Variants in CACNB4 observed in about 807,000 individuals in gnomAD.
CACNB4 encodes the protein calcium voltage-gated channel auxiliary subunit beta 4.
Under a neutral mutation model 71.2 loss-of-function variants are expected in CACNB4, and 32 were observed. The ratio of observed to expected loss-of-function variants is 0.45; its 90% CI spans 0.34 to 0.60. The LOEUF (loss-of-function observed/expected upper bound fraction) is 0.60. CACNB4 is among the 20% of genes least tolerant of loss of function. The pLI is 0.01. For synonymous variants in CACNB4, 231 were observed against 236.9 expected (o/e 0.97, Z 0.23); for missense variants, 464 against 647.9 (o/e 0.72, Z 3.08).
intron 2 of CACNB4, among the ~76,000 whole-genome samples, chr2:152,086,294 C>T (rs930881632): frequency 1.3e-5 from 2 of 152,194 alleles, no homozygotes; most frequent in South Asian, 4.1e-4. Context: ...CCTTCCCTAT[C>T]AGAGTCCTCA....
intron 2 of CACNB4, among the ~76,000 whole-genome samples, chr2:152,085,362 T>C (rs1178208123): frequency 6.6e-6 from 1 of 152,288 alleles, no homozygotes; most frequent in Non-Finnish European, 1.5e-5. Context: ...TCCCATAATG[T>C]ATGAATGAAT....
chr2:152,095,283 G>A (rs145856457), intron 2 of CACNB4, among the ~76,000 whole-genome samples: 284 of 152,240 alleles, frequency 1.9e-3, no homozygotes, highest in African/African-American at 6.6e-3. Flanking sequence ...CAATTCAAAT[G>A]TTCATGTGTG....
chr2:152,035,585 C>T (rs916384997), intron 2 of CACNB4, among the ~76,000 whole-genome samples: 5 of 149,182 alleles, frequency 3.4e-5, no homozygotes, highest in Non-Finnish European at 5.9e-5. Flanking sequence ...CTCTCTCTCT[C>T]TCCCTCTCTC....
At chr2:152,047,148 G>C (rs908766279) in intron 2 of CACNB4, among the ~76,000 whole-genome samples, 3 of 152,224 alleles carry the variant, frequency 2.0e-5, no homozygotes, top group African/African-American at 7.2e-5. Context: ...AGTCACCCAA[G>C]TACATTAGAC....
chr2:151,945,257 C>T (rs954774752), intron 2 of CACNB4, among the ~76,000 whole-genome samples: 7 of 152,252 alleles, frequency 4.6e-5, no homozygotes, highest in African/African-American at 1.2e-4. Flanking sequence ...ACCTCTTGCA[C>T]AGCAGCCTTA....
At chr2:152,062,286 C>T (rs1055029369) in intron 2 of CACNB4, among the ~76,000 whole-genome samples, 7 of 151,994 alleles carry the variant, frequency 4.6e-5, no homozygotes, top group Non-Finnish European at 8.8e-5. Flanking sequence ...AGTATTCAGG[C>T]AGCAAAGACT....
intron 2 of CACNB4, among the ~76,000 whole-genome samples, chr2:151,999,376 GT>G (rs5835398): frequency 0.02 from 2,993 of 147,594 alleles, 37 homozygotes; most frequent in Middle Eastern, 0.029. Flanking sequence ...CCCTGTTATG[GT>G]TTTTTTTTTT....
At chr2:152,042,551 T>C (rs529891990) in intron 2 of CACNB4, among the ~76,000 whole-genome samples, 48 of 152,282 alleles carry the variant, frequency 3.2e-4, no homozygotes, top group African/African-American at 1.0e-3. Context: ...ACCGGCTAAA[T>C]GTACTACATT....
chr2:152,026,889 C>T (rs202182929), intron 2 of CACNB4, among the ~76,000 whole-genome samples: 3 of 149,446 alleles, frequency 2.0e-5, no homozygotes, highest in Non-Finnish European at 4.4e-5. Flanking sequence ...GACCCATTGA[C>T]AGCATTTGAC....
chr2:152,077,035 G>C (rs1208953262), intron 2 of CACNB4, among the ~76,000 whole-genome samples: 1 of 152,250 alleles, frequency 6.6e-6, no homozygotes, highest in Non-Finnish European at 1.5e-5. Context: ...GGGAATGAAA[G>C]AGCCAGCCAT....
intron 2 of CACNB4, chr2:151,968,364 C>T (rs1284058518): frequency 3.3e-5 from 5 of 152,182 alleles, no homozygotes; most frequent in Non-Finnish European, 4.4e-5. Flanking sequence ...ATATCTGTAG[C>T]GCTTCCTTGG....
chr2:152,071,801 A>G (rs141601641), intron 2 of CACNB4, among the ~76,000 whole-genome samples: 6 of 152,340 alleles, frequency 3.9e-5, no homozygotes, highest in African/African-American at 1.2e-4. Context: ...AAGGCATCTA[A>G]TATTTCCTAA....
chr2:151,905,174 A>G lies in CACNB4; in HGVS notation c.148-21804T>C, dbSNP rs75549388. Among the ~76,000 whole-genome samples, 819 of 152,296 alleles carry G rather than the reference A, an allele frequency of 5.4e-3. 3 individuals carry two copies. Among genetic ancestry groups the G allele is most frequent in the African/African-American group, 0.018 (757 of 41,558 alleles). On this transcript the variant is annotated intron_variant, in intron 2 of 13. Transcript: ENST00000539935. ...AAAATATTAAACCCATTTCCCAAAG[A>G]AGGAGAAAACAGAAAGTTCAGCCAC... is the stretch of plus-strand genomic sequence containing the variant.
At chr2:151,918,376 T>A (rs548083583) in intron 2 of CACNB4, among the ~76,000 whole-genome samples, 1 of 152,310 alleles carries the variant, frequency 6.6e-6, no homozygotes, top group South Asian at 2.1e-4. Flanking sequence ...AAGAGAACAG[T>A]TAACCTGTGG....
At chr2:152,018,893 A>G (rs1579139566) in intron 2 of CACNB4, among the ~76,000 whole-genome samples, 1 of 152,028 alleles carries the variant, frequency 6.6e-6, no homozygotes, top group East Asian at 1.9e-4. Context: ...TTGATACTAC[A>G]AAAACTGGAG....
intron 2 of CACNB4, among the ~76,000 whole-genome samples, chr2:151,984,948 T>C (rs929407045): frequency 2.0e-5 from 3 of 152,180 alleles, no homozygotes; most frequent in African/African-American, 7.2e-5. Context: ...TCTGGTCTAC[T>C]GAAATTTTTC....
intron 2 of CACNB4, chr2:151,971,865 C>A: frequency 4.3e-6 from 2 of 468,114 alleles, no homozygotes; most frequent in South Asian, 4.2e-5. Context: ...CTCCACTCCT[C>A]ATGTTTCCCA....
At chr2:151,898,919 G>T (rs2099852733) in intron 2 of CACNB4, among the ~76,000 whole-genome samples, 1 of 152,202 alleles carries the variant, frequency 6.6e-6, no homozygotes, top group East Asian at 1.9e-4. Flanking sequence ...CAGAGGTAAA[G>T]GGTTCAGAGC....
rs1218903407 is a variant in CACNB4 at position 151,882,447 on chromosome 2, CT to C, written c.267+803del. 4.6e-5 allele frequency among the ~76,000 whole-genome samples: 7 copies of C among 152,080 alleles called. 1 individual carries two copies. The highest frequency in any genetic ancestry group is 4.6e-4 in the Admixed American group (7 of 15,276). ...TTTTCTTCTTCTAAAAATCAGAAGA[CT>C]GAACCAATATACCTTAGGAGTCTGT... On this transcript the variant is annotated intron_variant, in intron 3 of 13. Coordinates refer to ENST00000539935, the MANE Select transcript of CACNB4 (RefSeq NM_000726.5).
Sources: allele counts gnomAD v4.1 joint callset (sites outside exome capture counted in the v4.1 genomes callset), GRCh38; gene constraint gnomAD v4.1.1; transcripts MANE v1.5; gene names NCBI Gene and HGNC (gene_info 2026-07-23, HGNC 2026-07-21).